FMN1: variants seen among roughly 807,000 people sequenced by gnomAD.
FMN1 encodes the protein formin-1.
In FMN1, 110 loss-of-function variants were observed where a neutral mutation model predicts 132.4. The observed-to-expected ratio is 0.83, with a 90% CI of 0.71 to 0.97. The LOEUF (loss-of-function observed/expected upper bound fraction) is 0.97. Among genes scored for constraint, FMN1 ranks in the 50% least tolerant of loss-of-function variants. FMN1 has a pLI of 0.00. For synonymous variants in FMN1, 722 were observed against 651.7 expected, an observed-to-expected ratio of 1.11 and a Z score of -1.64; for missense variants, 1,792 against 1,705.3, an observed-to-expected ratio of 1.05 and a Z score of -0.90.
intron 6 of FMN1, among the ~76,000 whole-genome samples, chr15:33,028,074 G>T (rs2035762971): frequency 6.6e-6 from 1 of 152,152 alleles, no homozygotes. Flanking sequence ...TATTCCAGTG[G>T]CTTTAAACAT....
intron 8 of FMN1, among the ~76,000 whole-genome samples, chr15:32,967,618 G>T (rs971004725): frequency 6.6e-6 from 1 of 152,108 alleles, no homozygotes; most frequent in Non-Finnish European, 1.5e-5. Flanking sequence ...AAGTATAATT[G>T]AATTTTGTAA....
intron 7 of FMN1, among the ~76,000 whole-genome samples, chr15:32,975,531 A>C (rs149887649): frequency 2.3e-4 from 35 of 152,320 alleles, no homozygotes; most frequent in African/African-American, 6.3e-4. Flanking sequence ...GACATTACTT[A>C]CAGACTAATA....
chr15:32,810,365 T>A (rs925897690), intron 17 of FMN1, among the ~76,000 whole-genome samples: 1 of 152,108 alleles, frequency 6.6e-6, no homozygotes, highest in Non-Finnish European at 1.5e-5. Context: ...AAGAGTAGAG[T>A]AGAACTGAAA....
At chr15:33,030,508 A>G (rs377731814) in intron 6 of FMN1, among the ~76,000 whole-genome samples, 14 of 152,358 alleles carry the variant, frequency 9.2e-5, no homozygotes, top group African/African-American at 3.1e-4. Flanking sequence ...TGCAATAAAT[A>G]TGCCTTATTG....
At chr15:32,932,536 C>T (rs554089407) in intron 9 of FMN1, among the ~76,000 whole-genome samples, 7 of 152,124 alleles carry the variant, frequency 4.6e-5, no homozygotes, top group Non-Finnish European at 8.8e-5. Flanking sequence ...GAAGGGTGAC[C>T]TCTTCAATTT....
chr15:33,093,742 A>T (rs1054208115), intron 4 of FMN1, among the ~76,000 whole-genome samples: 1 of 152,220 alleles, frequency 6.6e-6, no homozygotes, highest in African/African-American at 2.4e-5. Context: ...CCAGGCAGAG[A>T]AAGGCTGATG....
intron 5 of FMN1, chr15:33,067,511 G>A (rs1336996162): frequency 6.2e-7 from 1 of 1,613,970 alleles, no homozygotes. Context: ...TTTCAAAGTA[G>A]ACAGTGGAAG....
At chr15:32,843,681 C>A (rs2141225658) in intron 17 of FMN1, among the ~76,000 whole-genome samples, 1 of 152,224 alleles carries the variant, frequency 6.6e-6, no homozygotes, top group East Asian at 1.9e-4. Flanking sequence ...GCTCAGTGGG[C>A]AGACGGTTTG....
intron 17 of FMN1, among the ~76,000 whole-genome samples, chr15:32,812,710 A>G (rs1009536370): frequency 1.3e-5 from 2 of 152,228 alleles, no homozygotes; most frequent in African/African-American, 4.8e-5. Flanking sequence ...TTTTCAGATT[A>G]GAGATTCTCA....
intron 12 of FMN1, among the ~76,000 whole-genome samples, chr15:32,905,299 T>C (rs538418435): frequency 6.6e-6 from 1 of 152,218 alleles, no homozygotes; most frequent in Non-Finnish European, 1.5e-5. Context: ...CTAAGGTGTA[T>C]GTGCACATAG....
intron 10 of FMN1, among the ~76,000 whole-genome samples, chr15:32,920,800 G>A (rs1400031368): frequency 2.0e-5 from 3 of 152,192 alleles, no homozygotes; most frequent in Non-Finnish European, 4.4e-5. Context: ...TCTGATGTGA[G>A]CAACCGTAGC....
chr15:33,020,121 A>G (rs1264448588), intron 6 of FMN1, among the ~76,000 whole-genome samples: 2 of 152,238 alleles, frequency 1.3e-5, no homozygotes, highest in Admixed American at 6.5e-5. Flanking sequence ...GGGGGTTGTG[A>G]GAACCCCTAC....
At chr15:32,941,908 C>G (rs900593275) in intron 9 of FMN1, among the ~76,000 whole-genome samples, 2 of 152,162 alleles carry the variant, frequency 1.3e-5, no homozygotes, top group Admixed American at 6.5e-5. Context: ...TATCTCCGCC[C>G]TATCTAGAGT....
At chr15:33,164,872 A>G (rs1321088924) in intron 3 of FMN1, among the ~76,000 whole-genome samples, 1 of 152,234 alleles carries the variant, frequency 6.6e-6, no homozygotes, top group East Asian at 1.9e-4. Context: ...AGTGCATAAT[A>G]ATCACATCAG....
At chr15:32,902,136 C>T in intron 12 of FMN1, 96 bp from the exon 13 acceptor site, 1 of 1,020,430 alleles carries the variant, frequency 9.8e-7, no homozygotes, top group Non-Finnish European at 1.4e-6. Flanking sequence ...CATTCCTTAC[C>T]TAACAATCTC....
intron 3 of FMN1, among the ~76,000 whole-genome samples, chr15:33,176,227 G>T (rs11858751): frequency 0.044 from 6,718 of 152,096 alleles, 187 homozygotes; most frequent in East Asian, 0.12. Flanking sequence ...ACAAAAGTTA[G>T]CTGGGCATAG....
At chr15:32,844,191 G>A (rs1457703660) in intron 17 of FMN1, among the ~76,000 whole-genome samples, 2 of 152,138 alleles carry the variant, frequency 1.3e-5, no homozygotes, top group African/African-American at 4.8e-5. Context: ...GGGTGTTACA[G>A]TGATTAACAG....
At chr15:32,955,798 T>TGTGTGC (rs1030181681) in intron 9 of FMN1, among the ~76,000 whole-genome samples, 94 of 144,310 alleles carry the variant, frequency 6.5e-4, no homozygotes, top group African/African-American at 2.2e-3. Context: ...TTTAAAGATG[T>TGTGTGC]GTGTGCGTGT....
chr15:33,139,061 A>C (rs1418297003), intron 4 of FMN1, among the ~76,000 whole-genome samples: 1 of 152,244 alleles, frequency 6.6e-6, no homozygotes, highest in East Asian at 1.9e-4. Context: ...ATAATTATGT[A>C]AGATTATGAC....
Sources: gnomAD v4.1 joint callset for allele counts (sites outside exome capture counted in the v4.1 genomes callset) on GRCh38, gnomAD v4.1.1 for gene constraint, MANE v1.5 for transcripts, NCBI Gene and HGNC (gene_info 2026-07-23, HGNC 2026-07-21) for gene names.